The following CABCOCO1 variants were observed in gnomAD, a reference collection of about 807,000 sequenced individuals.
The protein encoded by CABCOCO1 is ciliary associated calcium binding coiled-coil 1, also known as ciliary-associated calcium-binding coiled-coil protein 1.
A neutral mutation model predicts 35.7 loss-of-function variants in CABCOCO1; 28 were observed. That is an observed-to-expected ratio of 0.78 (90% CI 0.58 to 1.07). The LOEUF (loss-of-function observed/expected upper bound fraction) is 1.07. Ranked by LOEUF, CABCOCO1 falls within the 50% of genes least tolerant of loss-of-function variation. The probability of loss-of-function intolerance (pLI) is 0.00; values close to 1 mark genes in which losing one functional copy is unlikely to be tolerated. For synonymous variants in CABCOCO1, 95 were observed against 100.1 expected, an observed-to-expected ratio of 0.95 and a Z score of 0.30; for missense variants, 326 against 309.2, an observed-to-expected ratio of 1.05 and a Z score of -0.41.
At chr10:61,707,259 G>C (rs1166584960) in intron 5 of CABCOCO1, among the ~76,000 whole-genome samples, 1 of 152,098 alleles carries the variant, frequency 6.6e-6, no homozygotes, top group African/African-American at 2.4e-5. Context: ...CGAATGTGTT[G>C]ATGTGAGTGC....
intron 5 of CABCOCO1, among the ~76,000 whole-genome samples, chr10:61,729,516 G>C (rs1183901858): frequency 6.6e-6 from 1 of 152,104 alleles, no homozygotes; most frequent in Non-Finnish European, 1.5e-5. Flanking sequence ...ACTGTTGGTG[G>C]GAATGCAAAA....
Position 61,690,469 on chromosome 10 carries a change from C to T in CABCOCO1, c.480-80C>T, listed in dbSNP as rs2131994164. The T allele has an allele frequency of 5.5e-6, 5 of 915,370 alleles. No homozygotes were observed. The South Asian group carries it at 8.1e-5, about 15-fold the overall frequency. The allele number at this position is 915,370 out of a possible 1,614,324, so 56.7% of individuals were successfully genotyped here. A position where few individuals can be genotyped will look rare whatever the true frequency, so the allele number is the denominator to read the frequency against. ...CATTAGTTTGGTCAATATGAAGTTT[C>T]CTTTAATAAATGTCTTTACATATTG... On this transcript the variant is annotated intron_variant, in intron 4 of 7. Transcript: ENST00000648843.
At chr10:61,742,103 A>G (rs1841561277) in intron 5 of CABCOCO1, among the ~76,000 whole-genome samples, 1 of 152,150 alleles carries the variant, frequency 6.6e-6, no homozygotes, top group South Asian at 2.1e-4. Flanking sequence ...CAGAATATAT[A>G]TGACAGGACT....
chr10:61,688,462 C>A (rs1840031867), intron 4 of CABCOCO1, among the ~76,000 whole-genome samples: 1 of 152,154 alleles, frequency 6.6e-6, no homozygotes, highest in Non-Finnish European at 1.5e-5. Context: ...TTTCCTCCCC[C>A]ACATGACTGT....
intron 5 of CABCOCO1, among the ~76,000 whole-genome samples, chr10:61,699,315 T>C (rs1289714963): frequency 3.3e-5 from 5 of 152,136 alleles, no homozygotes; most frequent in Admixed American, 2.0e-4. Context: ...TATAAATCTT[T>C]TAAGAGAAAT....
intron 5 of CABCOCO1, among the ~76,000 whole-genome samples, chr10:61,754,047 G>GT (rs1275900663): frequency 1.3e-5 from 2 of 152,022 alleles, no homozygotes; most frequent in African/African-American, 4.8e-5. Flanking sequence ...AATAATAACA[G>GT]TAATTATAAG....
chr10:61,706,001 TATTG>T (rs1021446377), intron 5 of CABCOCO1, among the ~76,000 whole-genome samples: 3 of 152,250 alleles, frequency 2.0e-5, no homozygotes, highest in African/African-American at 7.2e-5. Context: ...CAGCATGTGA[TATTG>T]ATTATCTACA....
intron 5 of CABCOCO1, among the ~76,000 whole-genome samples, chr10:61,738,963 C>A: frequency 6.6e-6 from 1 of 152,108 alleles, no homozygotes; most frequent in South Asian, 2.1e-4. Context: ...ATGGACATTG[C>A]TAATTACAAG....
intron 5 of CABCOCO1, among the ~76,000 whole-genome samples, chr10:61,708,975 A>G (rs558011983): frequency 9.9e-4 from 150 of 152,226 alleles, no homozygotes; most frequent in Middle Eastern, 3.4e-3. Context: ...TACACTGTTC[A>G]TTTCTTTAAA....
At chr10:61,714,358 C>G (rs1333992571) in intron 5 of CABCOCO1, among the ~76,000 whole-genome samples, 3 of 152,152 alleles carry the variant, frequency 2.0e-5, no homozygotes, top group East Asian at 3.9e-4. Flanking sequence ...GTGGTGATAT[C>G]CCCTTTGTCA....
chr10:61,697,769 CAAA>C (rs1840333892), intron 5 of CABCOCO1, among the ~76,000 whole-genome samples: 2 of 151,942 alleles, frequency 1.3e-5, no homozygotes, highest in Non-Finnish European at 2.9e-5. Flanking sequence ...AGCATATAAA[CAAA>C]CTTATTAACA....
chr10:61,734,056 C>G (rs1841362817), intron 5 of CABCOCO1, among the ~76,000 whole-genome samples: 1 of 151,944 alleles, frequency 6.6e-6, no homozygotes, highest in African/African-American at 2.4e-5. Flanking sequence ...CCCGCTTACC[C>G]CCAGTTGAAG....
rs118052539 is a variant in CABCOCO1 at position 61,732,634 on chromosome 10, T to C, written c.553-27425T>C. Among the ~76,000 whole-genome samples, 1,366 of 152,182 alleles carry C rather than the reference T, an allele frequency of 9.0e-3. 15 individuals carry two copies. The highest frequency in any genetic ancestry group is 0.02 in the Middle Eastern group (6 of 294). The stretch of plus-strand genomic sequence containing the variant: ...GCTATGTAAACAGTTATTAGAACCA[T>C]ATAATCTGTATCTATAACTACTGCT... On this transcript the variant is annotated intron_variant, in intron 5 of 7. Coordinates refer to ENST00000648843, the MANE Select transcript of CABCOCO1 (RefSeq NM_001366906.2).
chr10:61,703,409 A>G (rs2132018409), intron 5 of CABCOCO1, among the ~76,000 whole-genome samples: 1 of 152,328 alleles, frequency 6.6e-6, no homozygotes, highest in East Asian at 1.9e-4. Context: ...AAAAAAAGAC[A>G]TAATATAAGC....
At chr10:61,762,927 T>A (rs1169119412) in intron 7 of CABCOCO1, among the ~76,000 whole-genome samples, 1 of 152,116 alleles carries the variant, frequency 6.6e-6, no homozygotes, top group Non-Finnish European at 1.5e-5. Flanking sequence ...TCTGCTTACC[T>A]AAATTCCTCC....
chr10:61,698,463 A>G (rs1271707439), intron 5 of CABCOCO1, among the ~76,000 whole-genome samples: 1 of 152,130 alleles, frequency 6.6e-6, no homozygotes, highest in Non-Finnish European at 1.5e-5. Context: ...AATATGATAT[A>G]CTTAGAAAGA....
Position 61,680,695 on chromosome 10 carries a change from T to TATAAGTTATACATGTATAAC in CABCOCO1, c.165-445_165-444insAGTTATACATGTATAACATA, listed in dbSNP as rs1554821588. On this transcript the variant is annotated intron_variant, in intron 2 of 7. Coordinates refer to ENST00000648843, the MANE Select transcript of CABCOCO1 (RefSeq NM_001366906.2). ...ACATATATGTTATACATGTATAACA[T>TATAAGTTATACATGTATAAC]ATATATGTTATACATGTATAACATA... 6.9e-4 allele frequency among the ~76,000 whole-genome samples: 34 copies of TATAAGTTATACATGTATAAC among 49,332 alleles called. 1 individual carries two copies. Among genetic ancestry groups the TATAAGTTATACATGTATAAC allele is most frequent in the African/African-American group, 4.3e-3 (33 of 7,740 alleles). 32.4% of individuals were successfully genotyped at this position (49,332 alleles called of 152,430 possible). A position where few individuals can be genotyped will look rare whatever the true frequency, so the allele number is the denominator to read the frequency against.
intron 5 of CABCOCO1, among the ~76,000 whole-genome samples, chr10:61,740,526 CTTGGAAT>C (rs1841526564): frequency 6.6e-6 from 1 of 152,154 alleles, no homozygotes; most frequent in African/African-American, 2.4e-5. Context: ...TTTTTGAAGA[CTTGGAAT>C]AAAAACCAAA....
intron 5 of CABCOCO1, among the ~76,000 whole-genome samples, chr10:61,696,101 G>C (rs1235478373): frequency 2.0e-5 from 3 of 152,090 alleles, no homozygotes; most frequent in African/African-American, 7.2e-5. Flanking sequence ...AAAATGTTTT[G>C]TGAGGTTTAA....
Sources: gnomAD v4.1 joint callset for allele counts (sites outside exome capture counted in the v4.1 genomes callset) on GRCh38, gnomAD v4.1.1 for gene constraint, MANE v1.5 for transcripts, NCBI Gene and HGNC (gene_info 2026-07-23, HGNC 2026-07-21) for gene names.